Variants in WNK1 observed in about 807,000 individuals in gnomAD.
WNK1 encodes serine/threonine-protein kinase WNK1.
WNK1 carries 38 observed loss-of-function variants against 222.8 expected under a neutral mutation model. The observed-to-expected ratio is 0.17, with a 90% CI of 0.13 to 0.22. The LOEUF is 0.22. WNK1 is among the 10% of genes least tolerant of loss of function. The pLI is 1.00. For missense variants in WNK1, 2,348 were observed against 2,918.4 expected (o/e 0.80, Z 4.50); for synonymous variants, 1,090 against 1,092.9 (o/e 1.00, Z 0.05).
chr12:807,815 G>T (rs1317889842), intron 1 of WNK1, among the ~76,000 whole-genome samples: 1 of 146,138 alleles, frequency 6.8e-6, no homozygotes, highest in African/African-American at 2.5e-5. Context: ...CGCCTCCCGG[G>T]TTCACGCCAT....
rs1157323165 is a variant in WNK1 at position 884,799 on chromosome 12, C to A, written c.3995C>A (p.Thr1332Lys). The A allele has an allele frequency of 6.2e-7, 1 of 1,614,208 alleles. No individual in the cohort carries two copies. The highest frequency in any genetic ancestry group is 2.2e-5 in the East Asian group (1 of 44,890). The part of the protein sequence containing the change: ...APPNFSHTGP[T>K]FPVVPPFLSS... ...CCAAACTTTAGTCATACAGGACCAACATTTCCAGTAGTACCTCCTTTCTTA... is the reference window on the plus strand; with the variant it reads ...CCAAACTTTAGTCATACAGGACCAAAATTTCCAGTAGTACCTCCTTTCTTA... Residue 1332 changes from threonine to lysine, a missense_variant, in exon 19 of 28, where the codon ACA becomes AAA. This residue lies in a region of WNK1 where 1,144 missense variants were observed against 1,273.6 expected (regional missense o/e 0.90). Transcript: ENST00000315939. The surrounding 1 kb of genome is among the most constrained non-coding windows in gnomAD (Gnocchi z 5.6).
chr12:869,139 C>A, intron 8 of WNK1: 1 of 1,609,552 alleles, frequency 6.2e-7, no homozygotes, highest in Non-Finnish European at 8.5e-7. Flanking sequence ...TTTTAAACTA[C>A]CCTACTTTGC....
At chr12:883,179 A>G (rs1375131497) in intron 15 of WNK1, 120 bp downstream of exon 15, 4 of 984,774 alleles carry the variant, frequency 4.1e-6, no homozygotes, top group Admixed American at 3.5e-5. Flanking sequence ...ATTTACTTCA[A>G]TGTGAATAAA....
At chr12:797,785 G>T (rs1331087233) in intron 1 of WNK1, among the ~76,000 whole-genome samples, 2 of 151,486 alleles carry the variant, frequency 1.3e-5, no homozygotes, top group Non-Finnish European at 2.9e-5. Flanking sequence ...CATCTTTACT[G>T]AAAATACAAA....
intron 1 of WNK1, among the ~76,000 whole-genome samples, chr12:805,061 A>G (rs911685481): frequency 2.0e-5 from 3 of 151,634 alleles, no homozygotes; most frequent in Non-Finnish European, 4.4e-5. Context: ...CCCTTTGACT[A>G]TTGTAAAAAA....
rs1408416567 is a variant in WNK1 at position 753,537 on chromosome 12, C to T, written c.-29C>T. The stretch of plus-strand genomic sequence containing the variant: ...CGCCCTTTTCGTTCACGAATCCGAG[C>T]CCGCTCGCCTCTCTCCAGCGAACCG... On this transcript the variant is annotated 5_prime_UTR_variant, in exon 1 of 28. Coordinates refer to ENST00000315939, the MANE Select transcript of WNK1 (RefSeq NM_018979.4). This position sits in a 1 kb window ranked among gnomAD's most constrained non-coding sequence, Gnocchi z 5.2. 1 of 1,610,978 alleles carries T rather than the reference C, an allele frequency of 6.2e-7. No homozygotes were observed. The highest frequency in any genetic ancestry group is 1.3e-5 in the African/African-American group (1 of 74,870).
intron 8 of WNK1, chr12:869,067 C>T: frequency 6.2e-7 from 1 of 1,613,944 alleles, no homozygotes; most frequent in Non-Finnish European, 8.5e-7. Context: ...GTCTTAACTG[C>T]CTCATTTTCT....
Position 861,014 on chromosome 12 carries a change from T to A in WNK1, c.1622T>A (p.Val541Glu). Residue 541 changes from valine to glutamate, a missense_variant and splice_region_variant, in exon 7 of 28, where the codon GTA becomes GAA. Coordinates refer to ENST00000315939, the MANE Select transcript of WNK1 (RefSeq NM_018979.4). ...DVPEDVAQEMVESGYVCEGDH... is the reference protein window; with the variant it reads ...DVPEDVAQEMEESGYVCEGDH... ...TTAATTTACCCTTTTATTCTGTAGG[T>A]AGAGTCTGGGTATGTCTGTGAAGGT... 1 of 1,613,390 alleles carries A rather than the reference T, an allele frequency of 6.2e-7. No individual in the cohort carries two copies. Among genetic ancestry groups the A allele is most frequent in the Non-Finnish European group, 8.5e-7 (1 of 1,179,802 alleles).
intron 4 of WNK1, among the ~76,000 whole-genome samples, chr12:834,484 A>G (rs1341921163): frequency 2.6e-5 from 4 of 152,166 alleles, no homozygotes; most frequent in African/African-American, 9.7e-5. Context: ...GTAGAGTAAT[A>G]TCCAGGATTC....
intron 4 of WNK1, among the ~76,000 whole-genome samples, chr12:831,069 A>G (rs1364951280): frequency 2.6e-5 from 4 of 152,160 alleles, no homozygotes; most frequent in African/African-American, 4.8e-5. Context: ...TTATTCTTCT[A>G]TATTTCTGTA....
intron 1 of WNK1, among the ~76,000 whole-genome samples, chr12:804,680 G>A (rs531527162): frequency 5.3e-5 from 8 of 151,928 alleles, no homozygotes; most frequent in Non-Finnish European, 1.2e-4. Context: ...GCCCCAAACC[G>A]AAACTCTTAG....
chr12:833,458 A>G (rs1470892726), intron 4 of WNK1, among the ~76,000 whole-genome samples: 1 of 152,174 alleles, frequency 6.6e-6, no homozygotes, highest in Non-Finnish European at 1.5e-5. Context: ...TATCTCGCAC[A>G]TATGCCACAT....
chr12:765,382 C>CA lies in WNK1; in HGVS notation c.759+11064dup, dbSNP rs751139892. Among the ~76,000 whole-genome samples the CA allele has an allele frequency of 1.1e-3, 158 of 146,376 alleles. 14 individuals are homozygous for CA. The highest frequency in any genetic ancestry group is 1.7e-3 in the Non-Finnish European group (112 of 65,706). On this transcript the variant is annotated intron_variant, in intron 1 of 27. Coordinates refer to ENST00000315939, the MANE Select transcript of WNK1 (RefSeq NM_018979.4). ...GGGCAACATAGCAAGACCCTGTCTA[C>CA]AAAAAATTAAAAAATTAGCTGGGCC...
chr12:753,487 T>G lies in WNK1; in HGVS notation c.-79T>G. On this transcript the variant is annotated 5_prime_UTR_variant, in exon 1 of 28. Coordinates refer to ENST00000315939, the MANE Select transcript of WNK1 (RefSeq NM_018979.4). The surrounding 1 kb of genome is among the most constrained non-coding windows in gnomAD (Gnocchi z 5.2). ...GCCCGGCCGCGGTTCCCTGCAGACC[T>G]CTGCGCGGGCGGCTCGGCCCTTCAC... 1.3e-6 allele frequency: 2 copies of G among 1,593,456 alleles called. No individual in the cohort carries two copies. Among genetic ancestry groups the G allele is most frequent in the Non-Finnish European group, 1.7e-6 (2 of 1,171,258 alleles).
chr12:792,215 G>A (rs1237835532), intron 1 of WNK1, among the ~76,000 whole-genome samples: 1 of 151,842 alleles, frequency 6.6e-6, no homozygotes, highest in Non-Finnish European at 1.5e-5. Flanking sequence ...AAGAGCAAAG[G>A]TATAAAGGTG....
chr12:772,034 C>A (rs1942571309), intron 1 of WNK1, among the ~76,000 whole-genome samples: 1 of 151,950 alleles, frequency 6.6e-6, no homozygotes, highest in African/African-American at 2.4e-5. Flanking sequence ...TTGATTTTGA[C>A]TAAATTATCT....
Position 882,008 on chromosome 12 carries a change from C to T in WNK1, c.3307C>T (p.Arg1103Ter). Residue 1103 changes from arginine (R) to a stop codon, truncating the protein, a stop_gained, in exon 14 of 28, where the codon CGA becomes TGA. Transcript: ENST00000315939. LOFTEE classifies it high-confidence loss of function. ...AGGAAGAACTACAAAACGGCATTACCGAAAATCTGTAAGGAGTCGCTCTCG... is the reference window on the plus strand; with the variant it reads ...AGGAAGAACTACAAAACGGCATTACTGAAAATCTGTAAGGAGTCGCTCTCG... The part of the protein sequence containing the change: ...HEGRTTKRHY[R>*]KSVRSRSRHE... 6.2e-7 allele frequency: 1 copy of T among 1,614,042 alleles called. No homozygotes were observed. The highest frequency in any genetic ancestry group is 8.5e-7 in the Non-Finnish European group (1 of 1,180,004).
At chr12:775,693 A>G (rs1180747492) in intron 1 of WNK1, among the ~76,000 whole-genome samples, 2 of 152,184 alleles carry the variant, frequency 1.3e-5, no homozygotes, top group East Asian at 1.9e-4. Context: ...AGTTTGAGCT[A>G]TGTATGTTTG....
In WNK1 at chr12:885,844, C is replaced by G. The variant is rs748979911; in HGVS notation, c.5040C>G (p.Thr1680=). 7 of 1,614,062 alleles carry G rather than the reference C, an allele frequency of 4.3e-6. No individual in the cohort carries two copies. The highest frequency in any genetic ancestry group is 3.4e-6 in the Non-Finnish European group (4 of 1,180,050). Residue 1680 remains threonine, a synonymous_variant, in exon 19 of 28, where the codon ACC becomes ACG. Transcript: ENST00000315939. ...GAQHASVSLE[T]SLVIESTVTP... ...AGCATGCCTCTGTCTCACTGGAGAC[C>G]TCACTAGTCATAGAGAGCACTGTCA...
Sources: allele counts gnomAD v4.1 joint callset (sites outside exome capture counted in the v4.1 genomes callset), GRCh38; gene constraint gnomAD v4.1.1; regional missense constraint gnomAD v4.1.1; non-coding constraint Gnocchi (gnomAD v3.1); transcripts MANE v1.5; gene names NCBI Gene and HGNC (gene_info 2026-07-23, HGNC 2026-07-21).